HSF2BP: variants seen among roughly 807,000 people sequenced by gnomAD.
HSF2BP encodes the protein heat shock transcription factor 2 binding protein.
Under a neutral mutation model 35.0 loss-of-function variants are expected in HSF2BP, and 35 were observed. The ratio of observed to expected loss-of-function variants is 1.00; its 90% CI spans 0.76 to 1.32. The LOEUF (loss-of-function observed/expected upper bound fraction) is 1.32. Among genes scored for constraint, HSF2BP ranks in the 40% most tolerant of loss-of-function variants. The pLI is 0.00. For synonymous variants in HSF2BP, 114 were observed against 117.4 expected, an observed-to-expected ratio of 0.97 and a Z score of 0.18; for missense variants, 326 against 321.7, an observed-to-expected ratio of 1.01 and a Z score of -0.10.
chr21:43,630,014 C>A (rs557057767), intron 6 of HSF2BP, among the ~76,000 whole-genome samples: 4 of 152,314 alleles, frequency 2.6e-5, no homozygotes, highest in Non-Finnish European at 5.9e-5. Flanking sequence ...CAGTAACTAC[C>A]ACCCTGATCA....
chr21:43,595,726 ATTTTTTTTTT>A (rs770855952), intron 7 of HSF2BP, among the ~76,000 whole-genome samples: 736 of 58,432 alleles, frequency 0.013, 5 homozygotes, highest in African/African-American at 0.038. Context: ...TAAGAGGCTA[ATTTTTTTTTT>A]TTTTTTTTTT....
In HSF2BP at chr21:43,632,386, CA is replaced by C. The variant is rs374672792; in HGVS notation, c.441+885del. 7.7e-3 allele frequency among the ~76,000 whole-genome samples: 714 copies of C among 92,282 alleles called. 47 individuals carry two copies. The highest frequency in any genetic ancestry group is 0.03 in the African/African-American group (588 of 19,842). The allele number at this position is 92,282 out of a possible 152,430, so 60.5% of individuals were successfully genotyped here. ...CTCCCACACACACACGCTCCCCCCC[CA>C]CACACACACACTCCCCCACACACAC... On this transcript the variant is annotated intron_variant, in intron 5 of 8. Transcript: ENST00000291560.
chr21:43,631,030 A>G (rs1568927147), intron 5 of HSF2BP, among the ~76,000 whole-genome samples: 1 of 152,226 alleles, frequency 6.6e-6, no homozygotes, highest in Non-Finnish European at 1.5e-5. Context: ...TACAAATGAT[A>G]TAAGAAAACT....
chr21:43,657,534 T>C (rs1826051269), intron 2 of HSF2BP, among the ~76,000 whole-genome samples: 1 of 152,116 alleles, frequency 6.6e-6, no homozygotes, highest in Admixed American at 6.5e-5. Flanking sequence ...TCCAAGATTG[T>C]CTAGATGGAA....
chr21:43,580,996 A>C (rs1296903876), intron 8 of HSF2BP, among the ~76,000 whole-genome samples: 2 of 152,246 alleles, frequency 1.3e-5, no homozygotes, highest in African/African-American at 4.8e-5. Context: ...CCATATCAGA[A>C]GGCAACTGGT....
intron 8 of HSF2BP, among the ~76,000 whole-genome samples, chr21:43,588,766 C>T (rs2081889571): frequency 6.6e-6 from 1 of 152,224 alleles, no homozygotes; most frequent in Non-Finnish European, 1.5e-5. Flanking sequence ...CGGCCCGTAA[C>T]AACCAGCCTG....
At chr21:43,632,121 CCAAA>C (rs1454667740) in intron 5 of HSF2BP, among the ~76,000 whole-genome samples, 1 of 63,486 alleles carries the variant, frequency 1.6e-5, no homozygotes, top group African/African-American at 6.6e-5. Flanking sequence ...ACACGCTCCC[CCAAA>C]CACACACACG....
intron 8 of HSF2BP, among the ~76,000 whole-genome samples, chr21:43,573,199 T>C (rs1243336767): frequency 1.3e-5 from 2 of 152,216 alleles, no homozygotes; most frequent in African/African-American, 4.8e-5. Context: ...ACTAGCTCTT[T>C]GACCACAGAA....
intron 6 of HSF2BP, among the ~76,000 whole-genome samples, chr21:43,628,248 T>C (rs1164869282): frequency 3.9e-5 from 6 of 152,246 alleles, no homozygotes; most frequent in African/African-American, 1.4e-4. Context: ...GTTAGACCTC[T>C]TGTGCCAAAC....
intron 8 of HSF2BP, among the ~76,000 whole-genome samples, chr21:43,590,143 C>A (rs2081908189): frequency 6.6e-6 from 1 of 152,190 alleles, no homozygotes; most frequent in Non-Finnish European, 1.5e-5. Flanking sequence ...AGGACACAAA[C>A]CGAATACATA....
chr21:43,616,624 C>T (rs2082273918), intron 6 of HSF2BP, among the ~76,000 whole-genome samples: 1 of 150,512 alleles, frequency 6.6e-6, no homozygotes, highest in African/African-American at 2.5e-5. Flanking sequence ...GCCTAGGAGA[C>T]AGAGCGAAAC....
intron 7 of HSF2BP, among the ~76,000 whole-genome samples, chr21:43,596,905 A>AGAGG (rs2081994807): frequency 5.1e-5 from 1 of 19,494 alleles, no homozygotes; most frequent in Non-Finnish European, 9.4e-5. Flanking sequence ...AAAAAAAAAA[A>AGAGG]GAGAATTTTT....
chr21:43,619,056 T>G (rs2146947093), intron 6 of HSF2BP, among the ~76,000 whole-genome samples: 1 of 152,290 alleles, frequency 6.6e-6, no homozygotes, highest in South Asian at 2.1e-4. Flanking sequence ...CGCAGCTCAC[T>G]GCACCCTCAA....
At chr21:43,616,699 C>T (rs1321639787) in intron 6 of HSF2BP, among the ~76,000 whole-genome samples, 2 of 152,048 alleles carry the variant, frequency 1.3e-5, no homozygotes, top group South Asian at 2.1e-4. Flanking sequence ...TTTGGGAGGC[C>T]GAGGTGGGCG....
At chr21:43,632,069 CACATACACACG>C (rs2082472764) in intron 5 of HSF2BP, among the ~76,000 whole-genome samples, 1 of 15,614 alleles carries the variant, frequency 6.4e-5, no homozygotes, top group Non-Finnish European at 9.5e-5. Context: ...CACACGCTCC[CACATACACACG>C]CTCCCACACA....
At chr21:43,467,915 CCACA>C in the HSF2BP span, among the ~76,000 whole-genome samples, 2 of 97,664 alleles carry the variant, frequency 2.0e-5, no homozygotes, top group Non-Finnish European at 4.3e-5. Context: ...GCACCACACA[CCACA>C]CACACCACAC....
At chr21:43,650,550 A>T (rs1195630464) in intron 3 of HSF2BP, among the ~76,000 whole-genome samples, 1 of 151,984 alleles carries the variant, frequency 6.6e-6, no homozygotes. Context: ...AGTTTTAAAC[A>T]AATTTTTGAT....
At chr21:43,574,366 T>C (rs1317405366) in intron 8 of HSF2BP, among the ~76,000 whole-genome samples, 2 of 150,334 alleles carry the variant, frequency 1.3e-5, no homozygotes, top group Non-Finnish European at 3.0e-5. Flanking sequence ...CTTTTTCTCT[T>C]TTTTTTTTTG....
intron 7 of HSF2BP, among the ~76,000 whole-genome samples, chr21:43,594,614 T>C (rs1024651765): frequency 1.4e-4 from 21 of 151,740 alleles, no homozygotes; most frequent in Non-Finnish European, 2.6e-4. Flanking sequence ...CTTAGTGACT[T>C]TGAAAGAAAG....
Sources: allele counts gnomAD v4.1 joint callset (sites outside exome capture counted in the v4.1 genomes callset), GRCh38; gene constraint gnomAD v4.1.1; transcripts MANE v1.5; gene names NCBI Gene and HGNC (gene_info 2026-07-23, HGNC 2026-07-21).